Variants in MARCHF8 observed in about 807,000 individuals in gnomAD.
MARCHF8 encodes the protein membrane associated ring-CH-type finger 8.
In MARCHF8, 40 loss-of-function variants were observed where a neutral mutation model predicts 51.6. The ratio of observed to expected loss-of-function variants is 0.77; its 90% CI spans 0.60 to 1.01. The LOEUF is 1.01. Ranked by LOEUF, MARCHF8 falls within the 50% of genes least tolerant of loss-of-function variation. The pLI, the probability that MARCHF8 is intolerant of heterozygous loss-of-function variation, is 0.00. For synonymous variants in MARCHF8, 263 were observed against 280.3 expected (o/e 0.94, Z 0.62); for missense variants, 685 against 708.6 (o/e 0.97, Z 0.38).
At chr10:45,476,899 C>T (rs1381062507) in intron 3 of MARCHF8, among the ~76,000 whole-genome samples, 1 of 152,076 alleles carries the variant, frequency 6.6e-6, no homozygotes, top group East Asian at 1.9e-4. Flanking sequence ...TTTTCAGTGT[C>T]TCAGAAGACA....
chr10:45,487,378 T>G (rs1321200427), intron 3 of MARCHF8, among the ~76,000 whole-genome samples: 1 of 152,192 alleles, frequency 6.6e-6, no homozygotes, highest in Admixed American at 6.5e-5. Flanking sequence ...AAGCATAGGA[T>G]GTCCTCCTTC....
chr10:45,537,051 T>G (rs1266180596), upstream of MARCHF8, among the ~76,000 whole-genome samples: 1 of 152,104 alleles, frequency 6.6e-6, no homozygotes, highest in African/African-American at 2.4e-5. Flanking sequence ...TGAGGATCTA[T>G]GCAGTCGTTT....
At chr10:45,569,134 T>C (rs1006766872) in intron 1 of MARCHF8, among the ~76,000 whole-genome samples, 11 of 152,002 alleles carry the variant, frequency 7.2e-5, no homozygotes, top group Non-Finnish European at 1.2e-4. Context: ...TTTACAAATT[T>C]GTATTGGACT....
intron 2 of MARCHF8, among the ~76,000 whole-genome samples, chr10:45,506,814 T>C (rs927435755): frequency 2.0e-5 from 3 of 152,206 alleles, no homozygotes; most frequent in Non-Finnish European, 2.9e-5. Flanking sequence ...TTTGGGTAGG[T>C]AGTGGAAAAT....
chr10:45,505,696 A>G (rs747901746), intron 2 of MARCHF8, among the ~76,000 whole-genome samples: 4 of 152,228 alleles, frequency 2.6e-5, no homozygotes, highest in Non-Finnish European at 5.9e-5. Context: ...TTATTTCCCA[A>G]TGGGGATTCG....
At chr10:45,505,418 C>A (rs994146231) in intron 2 of MARCHF8, among the ~76,000 whole-genome samples, 12 of 152,206 alleles carry the variant, frequency 7.9e-5, no homozygotes, top group South Asian at 4.1e-4. Context: ...TTGCTATCGC[C>A]AAATTCTGTT....
chr10:45,508,783 A>G (rs914717230), intron 2 of MARCHF8, among the ~76,000 whole-genome samples: 2 of 152,182 alleles, frequency 1.3e-5, no homozygotes, highest in Non-Finnish European at 2.9e-5. Context: ...CAGATATAAT[A>G]TTACATCCTT....
upstream of MARCHF8, among the ~76,000 whole-genome samples, chr10:45,540,085 G>A (rs1336211291): frequency 2.0e-5 from 3 of 152,152 alleles, no homozygotes; most frequent in Non-Finnish European, 4.4e-5. Flanking sequence ...CATGCTCATG[G>A]GTAGGAAGAA....
intron 1 of MARCHF8, among the ~76,000 whole-genome samples, chr10:45,592,620 A>T (rs2044693710): frequency 6.6e-6 from 1 of 152,230 alleles, no homozygotes; most frequent in South Asian, 2.1e-4. Context: ...AAATGGAACT[A>T]CTACATAAGG....
chr10:45,491,306 G>A (rs2043075605), intron 2 of MARCHF8, among the ~76,000 whole-genome samples: 1 of 152,218 alleles, frequency 6.6e-6, no homozygotes, highest in African/African-American at 2.4e-5. Flanking sequence ...GGGAGGCTGA[G>A]GCGGGCAGAT....
chr10:45,476,361 C>T (rs1045273446), intron 3 of MARCHF8, among the ~76,000 whole-genome samples: 2 of 152,090 alleles, frequency 1.3e-5, no homozygotes, highest in African/African-American at 2.4e-5. Flanking sequence ...GCTAGGAGTT[C>T]GAGACCAGTC....
At chr10:45,502,480 A>T (rs569352123) in intron 2 of MARCHF8, among the ~76,000 whole-genome samples, 64 of 152,226 alleles carry the variant, frequency 4.2e-4, no homozygotes, top group Admixed American at 1.1e-3. Context: ...ATGAACTACA[A>T]GAAACCTATG....
At chr10:45,586,276 G>A (rs2044617541) in intron 1 of MARCHF8, among the ~76,000 whole-genome samples, 1 of 152,050 alleles carries the variant, frequency 6.6e-6, no homozygotes, top group South Asian at 2.1e-4. Flanking sequence ...TAATGTTTTG[G>A]TGGTTCTAGA....
chr10:45,590,455 T>G (rs2044665330), intron 1 of MARCHF8, among the ~76,000 whole-genome samples: 1 of 152,166 alleles, frequency 6.6e-6, no homozygotes, highest in Admixed American at 6.5e-5. Context: ...TCCCACTGCT[T>G]GTAGGACAAT....
At chr10:45,459,065 C>A in intron 7 of MARCHF8, 55 bp downstream of exon 7, 1 of 1,604,156 alleles carries the variant, frequency 6.2e-7, no homozygotes, top group Non-Finnish European at 8.5e-7. Context: ...GACCCCAGGA[C>A]TCCTGTGAGC....
At chr10:45,550,154 A>C (rs1589169517) in intron 1 of MARCHF8, among the ~76,000 whole-genome samples, 3 of 152,198 alleles carry the variant, frequency 2.0e-5, no homozygotes, top group East Asian at 1.9e-4. Flanking sequence ...TGTTTTTATA[A>C]GGTGTTTTCA....
At chr10:45,576,742 T>C (rs919622156) in intron 1 of MARCHF8, among the ~76,000 whole-genome samples, 1 of 147,566 alleles carries the variant, frequency 6.8e-6, no homozygotes, top group Non-Finnish European at 1.5e-5. Flanking sequence ...GACAACACAG[T>C]GAGGCTTCAT....
At chr10:45,501,876 A>G (rs1434224671) in intron 2 of MARCHF8, among the ~76,000 whole-genome samples, 3 of 152,154 alleles carry the variant, frequency 2.0e-5, no homozygotes, top group African/African-American at 7.2e-5. Context: ...AAATAAGCAC[A>G]TGAGAAGATG....
intron 1 of MARCHF8, among the ~76,000 whole-genome samples, chr10:45,586,722 T>C (rs2044622268): frequency 6.6e-6 from 1 of 152,152 alleles, no homozygotes; most frequent in South Asian, 2.1e-4. Context: ...TGGGAATTTT[T>C]AGTATGTCTA....
Sources: gnomAD v4.1 joint callset for allele counts (sites outside exome capture counted in the v4.1 genomes callset) on GRCh38, gnomAD v4.1.1 for gene constraint, MANE v1.5 for transcripts, NCBI Gene and HGNC (gene_info 2026-07-23, HGNC 2026-07-21) for gene names.